The following SCYL1 variants were observed in gnomAD, a reference collection of about 807,000 sequenced individuals.
SCYL1 encodes the protein SCY1 like pseudokinase 1.
In SCYL1, 85 loss-of-function variants were observed where a neutral mutation model predicts 94.8. The ratio of observed to expected loss-of-function variants is 0.90; its 90% CI spans 0.75 to 1.07. SCYL1 has a LOEUF of 1.07. SCYL1 is among the 50% of genes least tolerant of loss of function. The pLI, the probability that SCYL1 is intolerant of heterozygous loss-of-function variation, is 0.00. For missense variants in SCYL1, 968 were observed against 1,083.3 expected (o/e 0.89, Z 1.49); for synonymous variants, 459 against 435.5 (o/e 1.05, Z -0.67).
At position 65,538,614 on chromosome 11, in the gene SCYL1, GTATT is replaced by G. The variant is rs757127679; in HGVS notation, c.*53_*56del. On this transcript the variant is annotated 3_prime_UTR_variant, in exon 18 of 18. Transcript: ENST00000270176. ...GCTGCGGAGAGCCCGCCCCACAGATGTATTTATTGTACAAACCATGTGAGCCCGG... is the reference window on the plus strand; with the variant it reads ...GCTGCGGAGAGCCCGCCCCACAGATGTATTGTACAAACCATGTGAGCCCGG... The G allele has an allele frequency of 2.3e-5, 36 of 1,584,630 alleles. No individual in the cohort carries two copies. Among genetic ancestry groups the G allele is most frequent in the Non-Finnish European group, 3.0e-5 (35 of 1,166,096 alleles).
rs758033326 is a variant in SCYL1, at chr11:65,538,500, G to A, written c.2361G>A (p.Glu787=). The A allele has an allele frequency of 1.4e-5, 23 of 1,604,884 alleles. No individual in the cohort carries two copies. The South Asian group carries it at 1.6e-4, about 11-fold the overall frequency. Residue 787 remains glutamate, a synonymous_variant, in exon 18 of 18, where the codon GAG becomes GAA. Coordinates refer to ENST00000270176, the MANE Select transcript of SCYL1 (RefSeq NM_020680.4). The part of the protein sequence containing the change: ...KKREERRREM[E]AKRAERKVAK... ...GCGAGGAGCGGCGGCGGGAGATGGA[G>A]GCCAAACGCGCCGAGAGGAAGGTGG...
At position 65,538,552 on chromosome 11, in the gene SCYL1, C is replaced by T. The variant is rs1216769195; in HGVS notation, c.2413C>T (p.Arg805Trp). 3.7e-6 allele frequency: 6 copies of T among 1,611,540 alleles called. No homozygotes were observed. Among genetic ancestry groups the T allele is most frequent in the South Asian group, 1.1e-5 (1 of 90,890 alleles). Reference sequence around the variant, plus strand: ...CAAGGGCCCCATGAAGCTGGGAGCCCGGAAGCTGGACTGAACCGTGGCGGT... The same window carrying T: ...CAAGGGCCCCATGAAGCTGGGAGCCTGGAAGCTGGACTGAACCGTGGCGGT... ...VAKGPMKLGARKLD is the reference protein window; with the variant it reads ...VAKGPMKLGAWKLD The change falls in exon 18 of 18, where the codon CGG becomes TGG. Residue 805 changes from arginine (R) to tryptophan (W), a missense_variant. Around this residue, in one of 2 missense-constraint regions of SCYL1, gnomAD observed 474 missense variants for 463.6 expected, o/e 1.02. Transcript: ENST00000270176.
intron 1 of SCYL1, 62 bp downstream of exon 1, chr11:65,525,326 G>A (rs912759207): frequency 1.6e-5 from 20 of 1,257,476 alleles, no homozygotes; most frequent in African/African-American, 1.3e-4. Context: ...CCGCGCCGCC[G>A]ACCCCGTCGC....
intron 9 of SCYL1, chr11:65,533,019 C>G (rs1855466028): frequency 1.5e-5 from 8 of 546,110 alleles, no homozygotes; most frequent in Middle Eastern, 5.0e-4. Flanking sequence ...TGGCCCAAGC[C>G]CCATGCTGGG....
Position 65,538,317 on chromosome 11 carries a change from T to G in SCYL1, c.2295T>G (p.Thr765=), listed in dbSNP as rs1590750268. 6.5e-7 allele frequency: 1 copy of G among 1,549,562 alleles called. No homozygotes were observed. Among genetic ancestry groups the G allele is most frequent in the Non-Finnish European group, 8.7e-7 (1 of 1,146,052 alleles). ...AGGACAACTGGGAGGGCCTCGAGAC[T>G]GACAGTCGTAAGTGCTTCCCCTGGG... ...WGEDNWEGLE[T]DSRQVKAELA... is the part of the protein sequence containing the mutation. Residue 765 remains threonine (T), a synonymous_variant, in exon 17 of 18, where the codon ACT becomes ACG. Transcript: ENST00000270176.
chr11:65,535,733 G>A, intron 10 of SCYL1: 2 of 593,044 alleles, frequency 3.4e-6, no homozygotes, highest in East Asian at 2.9e-5. Flanking sequence ...GACAGCTGCT[G>A]TTGTGGTCCC....
chr11:65,529,280 T>C (rs1384309689), intron 6 of SCYL1, among the ~76,000 whole-genome samples: 1 of 152,190 alleles, frequency 6.6e-6, no homozygotes, highest in Non-Finnish European at 1.5e-5. Flanking sequence ...TCCTGGGCAG[T>C]GTCGGGGCAG....
intron 6 of SCYL1, among the ~76,000 whole-genome samples, chr11:65,529,202 C>T (rs180970747): frequency 6.6e-6 from 1 of 152,128 alleles, no homozygotes; most frequent in Non-Finnish European, 1.5e-5. Flanking sequence ...TGCTGTGGGG[C>T]GGGGAGGGCC....
Position 65,536,645 on chromosome 11 carries a change from G to C in SCYL1, c.1711G>C (p.Gly571Arg). The C allele has an allele frequency of 6.2e-7, 1 of 1,614,122 alleles. No homozygotes were observed. Among genetic ancestry groups the C allele is most frequent in the Non-Finnish European group, 8.5e-7 (1 of 1,179,986 alleles). The change falls in exon 13 of 18, where the codon GGC (glycine) becomes CGC (arginine). Residue 571 changes from glycine (G) to arginine (R), a missense_variant. Gly to Arg is a moderately radical substitution (Grantham distance 125). Transcript: ENST00000270176. Reference protein sequence around the residue: ...GMGGAAASWAGWAVTGVSSLT... With the variant: ...GMGGAAASWARWAVTGVSSLT... ...GGGAGGAGCCGCAGCTAGCTGGGCA[G>C]GCTGGGCCGTGACCGGGGTCTCCTC... is the stretch of plus-strand genomic sequence containing the variant.
Position 65,537,143 on chromosome 11 carries a change from G to A in SCYL1, c.1959+15G>A, listed in dbSNP as rs1312790517. ...GCAGCCTGGAGGTGTGTGGGGCTGA[G>A]GGAGCCTCCCCAGGGGACCCCAGCT... On this transcript the variant is annotated intron_variant, in intron 14 of 17. Coordinates refer to ENST00000270176, the MANE Select transcript of SCYL1 (RefSeq NM_020680.4). 2.9e-5 allele frequency: 47 copies of A among 1,613,814 alleles called. No homozygotes were observed. Among genetic ancestry groups the A allele is most frequent in the Non-Finnish European group, 4.0e-5 (47 of 1,179,866 alleles).
At chr11:65,531,733 G>A (rs774695002) in intron 8 of SCYL1, 50 bp downstream of exon 8, 8 of 1,428,088 alleles carry the variant, frequency 5.6e-6, no homozygotes, top group Non-Finnish European at 7.9e-6. Context: ...ACCCCAACCT[G>A]GTGGCTGGGG....
chr11:65,529,402 T>A (rs1343154531), intron 6 of SCYL1, among the ~76,000 whole-genome samples: 1 of 152,148 alleles, frequency 6.6e-6, no homozygotes, highest in Non-Finnish European at 1.5e-5. Flanking sequence ...CAGGAGAACA[T>A]GGGAGGGCAG....
At position 65,536,658 on chromosome 11, in the gene SCYL1, C is replaced by T. The variant is rs769901675; in HGVS notation, c.1724C>T (p.Thr575Ile). 3.1e-6 allele frequency: 5 copies of T among 1,614,050 alleles called. No individual in the cohort carries two copies. The highest frequency in any genetic ancestry group is 3.4e-6 in the Non-Finnish European group (4 of 1,179,960). Residue 575 changes from threonine to isoleucine, a missense_variant, in exon 13 of 18, where the codon ACC becomes ATC. By Grantham distance (89) the Thr-to-Ile change is moderately conservative. Around this residue, in one of 2 missense-constraint regions of SCYL1, gnomAD observed 474 missense variants for 463.6 expected, o/e 1.02. Coordinates refer to ENST00000270176, the MANE Select transcript of SCYL1 (RefSeq NM_020680.4). ...AAASWAGWAV[T>I]GVSSLTSKLI... ...GCTAGCTGGGCAGGCTGGGCCGTGACCGGGGTCTCCTCACTCACCTCCAAG... is the reference window on the plus strand; with the variant it reads ...GCTAGCTGGGCAGGCTGGGCCGTGATCGGGGTCTCCTCACTCACCTCCAAG...
rs556427569 is a variant in SCYL1 at position 65,528,232 on chromosome 11, C to T, written c.849+1115C>T. On this transcript the variant is annotated intron_variant, in intron 6 of 17. Transcript: ENST00000270176. The stretch of plus-strand genomic sequence containing the variant: ...CTGAGGCGGGTGGATCACCTGAGGT[C>T]GGGAGTTCGATACCAGCTGACGACA... 4.1e-4 allele frequency among the ~76,000 whole-genome samples: 63 copies of T among 151,908 alleles called. 1 individual carries two copies. In the South Asian group the frequency reaches 4.2e-3, roughly 10 times the overall value.
intron 9 of SCYL1, among the ~76,000 whole-genome samples, chr11:65,534,783 AG>A: frequency 6.6e-6 from 1 of 152,134 alleles, no homozygotes; most frequent in East Asian, 1.9e-4. Context: ...GAGAACCAGG[AG>A]GGGGTGGTGT....
intron 16 of SCYL1, 25 bp downstream of exon 16, chr11:65,538,207 G>A: frequency 6.4e-7 from 1 of 1,562,294 alleles, no homozygotes; most frequent in Non-Finnish European, 8.7e-7. Flanking sequence ...TCTGGCGAGA[G>A]GGTAGAGATG....
Position 65,535,944 on chromosome 11 carries a change from C to A in SCYL1, c.1387-9C>A. 1 of 1,564,986 alleles carries A rather than the reference C, an allele frequency of 6.4e-7. No individual in the cohort carries two copies. Among genetic ancestry groups the A allele is most frequent in the Non-Finnish European group, 8.7e-7 (1 of 1,154,718 alleles). ...ACACTCAGGAGCCCTCTTTCCTGCCCCATCGTAGACCAGACACAGGGTCCT... is the reference window on the plus strand; with the variant it reads ...ACACTCAGGAGCCCTCTTTCCTGCCACATCGTAGACCAGACACAGGGTCCT... On this transcript the variant is annotated splice_polypyrimidine_tract_variant and intron_variant, in intron 10 of 17. Coordinates refer to ENST00000270176, the MANE Select transcript of SCYL1 (RefSeq NM_020680.4).
chr11:65,535,118 T>TG, intron 9 of SCYL1, 109 bp from the exon 10 acceptor site: 4 of 1,423,490 alleles, frequency 2.8e-6, no homozygotes, highest in Non-Finnish European at 3.8e-6. Flanking sequence ...GAGGTGGCCT[T>TG]GCAGGCTTTG....
intron 14 of SCYL1, among the ~76,000 whole-genome samples, chr11:65,537,478 G>A (rs1279990293): frequency 6.6e-6 from 1 of 151,826 alleles, no homozygotes; most frequent in Non-Finnish European, 1.5e-5. Flanking sequence ...TTCTGCTTGG[G>A]GGATGGGCTC....
Sources: allele counts gnomAD v4.1 joint callset (sites outside exome capture counted in the v4.1 genomes callset), GRCh38; gene constraint gnomAD v4.1.1; regional missense constraint gnomAD v4.1.1; transcripts MANE v1.5; gene names NCBI Gene and HGNC (gene_info 2026-07-23, HGNC 2026-07-21).